CAPZB: variants seen among roughly 807,000 people sequenced by gnomAD.
CAPZB encodes F-actin-capping protein subunit beta.
In CAPZB, 2 loss-of-function variants were observed where a neutral mutation model predicts 38.1. The observed-to-expected ratio is 0.05, with a 90% CI of 0.02 to 0.17. The LOEUF is 0.17. Ranked by LOEUF, CAPZB falls within the 10% of genes least tolerant of loss-of-function variation. The pLI, the probability that CAPZB is intolerant of heterozygous loss-of-function variation, is 1.00. For synonymous variants in CAPZB, 107 were observed against 127.4 expected (o/e 0.84, Z 1.08); for missense variants, 161 against 334.2 (o/e 0.48, Z 4.04).
chr1:19,411,015 A>G (rs1417195715), intron 2 of CAPZB, among the ~76,000 whole-genome samples: 3 of 152,074 alleles, frequency 2.0e-5, no homozygotes, highest in Admixed American at 2.0e-4. Flanking sequence ...CCCATCTGTC[A>G]GTACTTGCTG....
At chr1:19,433,354 G>GA (rs2094448442) in intron 1 of CAPZB, among the ~76,000 whole-genome samples, 1 of 152,142 alleles carries the variant, frequency 6.6e-6, no homozygotes. Flanking sequence ...ACAGTTAAAA[G>GA]AAAAAACAAT....
chr1:19,394,070 G>A (rs1004154740), intron 2 of CAPZB, among the ~76,000 whole-genome samples: 5 of 152,156 alleles, frequency 3.3e-5, no homozygotes, highest in East Asian at 1.9e-4. Context: ...GCGCGATCTC[G>A]GCTCACTGCA....
intron 2 of CAPZB, among the ~76,000 whole-genome samples, chr1:19,404,188 G>A (rs981034888): frequency 7.3e-6 from 1 of 137,524 alleles, no homozygotes; most frequent in Non-Finnish European, 1.5e-5. Flanking sequence ...AGCCAAGATC[G>A]TACAACTGCA....
At chr1:19,406,993 C>T (rs980361649) in intron 2 of CAPZB, among the ~76,000 whole-genome samples, 7 of 152,176 alleles carry the variant, frequency 4.6e-5, no homozygotes, top group Non-Finnish European at 8.8e-5. Context: ...AAGAGCTGAA[C>T]AGGATTGTGC....
intron 1 of CAPZB, among the ~76,000 whole-genome samples, chr1:19,458,518 C>T (rs1398385312): frequency 6.6e-6 from 1 of 152,164 alleles, no homozygotes; most frequent in East Asian, 1.9e-4. Context: ...CCAAGCCTGG[C>T]TAATTTTTTG....
At chr1:19,341,692 G>A (rs75295422) in intron 8 of CAPZB, among the ~76,000 whole-genome samples, 1,576 of 152,304 alleles carry the variant, frequency 0.01, 25 homozygotes, top group African/African-American at 0.036. Flanking sequence ...CCATCACGGT[G>A]TATCTTAAAA....
In CAPZB at chr1:19,420,338, ATGCAGTAAACTATGTCAC is replaced by A. The variant is rs368895149; in HGVS notation, c.4-606_4-589del. Among the ~76,000 whole-genome samples, 452 of 152,326 alleles carry A rather than the reference ATGCAGTAAACTATGTCAC, an allele frequency of 3.0e-3. 3 individuals are homozygous for A. The highest frequency in any genetic ancestry group is 0.011 in the African/African-American group (437 of 41,566). On this transcript the variant is annotated intron_variant, in intron 1 of 8. Coordinates refer to ENST00000264202, the MANE Select transcript of CAPZB (RefSeq NM_004930.5). ...CTCCACCCAGCAAACTGGACTGCAA[ATGCAGTAAACTATGTCAC>A]TGCAGAGGCAAGGACTGGAAAGACA...
intron 1 of CAPZB, among the ~76,000 whole-genome samples, chr1:19,471,664 A>C (rs548992662): frequency 1.3e-5 from 2 of 152,180 alleles, no homozygotes; most frequent in South Asian, 4.2e-4. Flanking sequence ...GGAGATCAAG[A>C]CCATCCTGGC....
chr1:19,445,057 T>C (rs999767177), intron 1 of CAPZB, among the ~76,000 whole-genome samples: 2 of 152,174 alleles, frequency 1.3e-5, no homozygotes, highest in African/African-American at 4.8e-5. Flanking sequence ...TAAAATTTTT[T>C]TGACCCACGA....
At chr1:19,358,046 C>T (rs214348) in intron 4 of CAPZB, among the ~76,000 whole-genome samples, 50,655 of 152,124 alleles carry the variant, frequency 0.33, 9,315 homozygotes, top group East Asian at 0.56. Context: ...GTTGGTCTTT[C>T]GGAGCAACCT....
At chr1:19,388,015 G>GT (rs922529264) in intron 2 of CAPZB, among the ~76,000 whole-genome samples, 4 of 152,196 alleles carry the variant, frequency 2.6e-5, no homozygotes, top group Non-Finnish European at 4.4e-5. Flanking sequence ...GGGTACAAAC[G>GT]TACCTGTGAG....
At chr1:19,389,541 C>A (rs1314418011) in intron 2 of CAPZB, among the ~76,000 whole-genome samples, 1 of 152,114 alleles carries the variant, frequency 6.6e-6, no homozygotes, top group African/African-American at 2.4e-5. Flanking sequence ...CATTCTCCTG[C>A]CTCAGCCTCC....
intron 2 of CAPZB, among the ~76,000 whole-genome samples, chr1:19,412,002 C>A (rs2094359056): frequency 6.6e-6 from 1 of 152,202 alleles, no homozygotes; most frequent in Non-Finnish European, 1.5e-5. Context: ...CCTGCTCTCC[C>A]TGCCTCAGTC....
intron 1 of CAPZB, chr1:19,484,716 T>G: frequency 2.8e-6 from 3 of 1,069,114 alleles, no homozygotes; most frequent in Non-Finnish European, 3.4e-6. Flanking sequence ...GATGAGAGGC[T>G]CAGGGCGGGG....
At chr1:19,426,744 C>G (rs2094424319) in intron 1 of CAPZB, among the ~76,000 whole-genome samples, 1 of 152,230 alleles carries the variant, frequency 6.6e-6, no homozygotes, top group Non-Finnish European at 1.5e-5. Context: ...CAAGCCAGAA[C>G]CACCCAGCCA....
intron 8 of CAPZB, chr1:19,342,604 G>A (rs1477868760): frequency 1.6e-5 from 10 of 642,996 alleles, no homozygotes; most frequent in African/African-American, 1.4e-4. Flanking sequence ...AGGCTACACG[G>A]GAATGTGGCT....
At chr1:19,397,251 A>G (rs1290212589) in intron 2 of CAPZB, among the ~76,000 whole-genome samples, 6 of 152,260 alleles carry the variant, frequency 3.9e-5, no homozygotes, top group Non-Finnish European at 8.8e-5. Flanking sequence ...CTGAACTATC[A>G]AAGTTATGAT....
chr1:19,468,110 AG>A (rs1214432479), intron 1 of CAPZB, among the ~76,000 whole-genome samples: 2 of 152,230 alleles, frequency 1.3e-5, no homozygotes, highest in African/African-American at 4.8e-5. Flanking sequence ...CTCCTAAAAA[AG>A]GGGGCTAGGC....
intron 1 of CAPZB, chr1:19,484,551 G>A: frequency 7.8e-7 from 1 of 1,285,206 alleles, no homozygotes; most frequent in Admixed American, 3.3e-5. Flanking sequence ...CTCCTAGGCG[G>A]CCTCCCTAGA....
Sources: gnomAD v4.1 joint callset for allele counts (sites outside exome capture counted in the v4.1 genomes callset) on GRCh38, gnomAD v4.1.1 for gene constraint, MANE v1.5 for transcripts, NCBI Gene and HGNC (gene_info 2026-07-23, HGNC 2026-07-21) for gene names.